The following RBM33 variants were observed in gnomAD, a reference collection of about 807,000 sequenced individuals.
RBM33 encodes RNA-binding protein 33.
A neutral mutation model predicts 132.6 loss-of-function variants in RBM33; 28 were observed. The ratio of observed to expected loss-of-function variants is 0.21; its 90% CI spans 0.16 to 0.29. The LOEUF (loss-of-function observed/expected upper bound fraction) is 0.29, where lower values mean the gene tolerates loss of function less well. Among genes scored for constraint, RBM33 ranks in the 10% least tolerant of loss-of-function variants. The pLI is 1.00. For synonymous variants in RBM33, 634 were observed against 593.0 expected (o/e 1.07, Z -1.01); for missense variants, 1,291 against 1,518.5 (o/e 0.85, Z 2.49).
In RBM33 at chr7:155,644,754, C is replaced by T. The variant is rs1585386540; in HGVS notation, c.-123C>T. 5.1e-6 allele frequency: 4 copies of T among 782,750 alleles called. No homozygotes were observed. The highest frequency in any genetic ancestry group is 3.4e-5 in the East Asian group (1 of 29,552). 48.5% of individuals were successfully genotyped at this position (782,750 alleles called of 1,614,324 possible). ...TGGACCGCGAAGCGCCCGGCTTCGC[C>T]TCTGCCTCCTGCAGCCCCCTCCCTT... On this transcript the variant is annotated 5_prime_UTR_variant, in exon 1 of 18. Coordinates refer to ENST00000401878, the MANE Select transcript of RBM33 (RefSeq NM_053043.3).
In RBM33 at chr7:155,763,823, C is replaced by T. The variant is rs1240654929; in HGVS notation, c.2991C>T (p.Ser997=). The part of the protein sequence containing the change: ...VIKLSGGGGE[S]DGFFHPEGQP... The stretch of plus-strand genomic sequence containing the variant: ...CTTGGTTTCAGCAGGGAGGAGAGAG[C>T]GATGGCTTTTTTCACCCAGAAGGCC... The change falls in exon 15 of 18, where the codon AGC becomes AGT. Residue 997 remains serine (S), a synonymous_variant. Transcript: ENST00000401878. The T allele has an allele frequency of 4.3e-6, 7 of 1,610,178 alleles. No homozygotes were observed. The South Asian group carries it at 6.7e-5, about 15-fold the overall frequency.
intron 1 of RBM33, among the ~76,000 whole-genome samples, chr7:155,664,809 T>C (rs1286749359): frequency 6.6e-6 from 1 of 152,184 alleles, no homozygotes; most frequent in East Asian, 1.9e-4. Flanking sequence ...TTACAAAAAG[T>C]ATTATGAAAG....
At chr7:155,728,545 T>C (rs918656708) in intron 9 of RBM33, among the ~76,000 whole-genome samples, 1 of 152,228 alleles carries the variant, frequency 6.6e-6, no homozygotes, top group African/African-American at 2.4e-5. Context: ...AGATAGCTCT[T>C]TGGTCTTACC....
chr7:155,703,458 G>C (rs1033832338), intron 6 of RBM33, among the ~76,000 whole-genome samples: 3 of 152,126 alleles, frequency 2.0e-5, no homozygotes, highest in Non-Finnish European at 4.4e-5. Context: ...CACTTAACTG[G>C]ATTTTTGTAG....
intron 14 of RBM33, among the ~76,000 whole-genome samples, chr7:155,749,351 G>C (rs146453811): frequency 6.6e-6 from 1 of 152,110 alleles, no homozygotes; most frequent in Admixed American, 6.6e-5. Context: ...CTTCTGAGGC[G>C]AGTGCGTTGA....
At chr7:155,674,670 T>C (rs919732702) in intron 3 of RBM33, among the ~76,000 whole-genome samples, 1 of 152,192 alleles carries the variant, frequency 6.6e-6, no homozygotes, top group Non-Finnish European at 1.5e-5. Context: ...TAATGCTGAC[T>C]GTTCTGGGGG....
chr7:155,663,993 T>C (rs1348101215), intron 1 of RBM33, among the ~76,000 whole-genome samples: 3 of 152,192 alleles, frequency 2.0e-5, no homozygotes, highest in African/African-American at 4.8e-5. Context: ...ATTTATGAAG[T>C]AGATAATAGC....
chr7:155,758,316 T>A (rs1057053956), intron 14 of RBM33, among the ~76,000 whole-genome samples: 4 of 152,214 alleles, frequency 2.6e-5, no homozygotes, highest in African/African-American at 9.7e-5. Flanking sequence ...CCAACCTTAC[T>A]GGCACCAGGG....
At chr7:155,728,368 C>T (rs547112608) in intron 9 of RBM33, among the ~76,000 whole-genome samples, 1 of 152,266 alleles carries the variant, frequency 6.6e-6, no homozygotes, top group South Asian at 2.1e-4. Context: ...TCCTCACTGC[C>T]CTTCACCCAG....
intron 3 of RBM33, among the ~76,000 whole-genome samples, chr7:155,673,442 ATGTG>A (rs1226034201): frequency 4.5e-5 from 6 of 133,844 alleles, no homozygotes; most frequent in Admixed American, 1.5e-4. Flanking sequence ...GTGTGTGTGT[ATGTG>A]TATATATACC....
rs1388504342 is a variant in RBM33 at position 155,658,647 on chromosome 7, C to T, written c.44-6528C>T. On this transcript the variant is annotated intron_variant, in intron 1 of 17. Transcript: ENST00000401878. ...AACTCCTGACCTCATGATCCACCCGCCTCGGCCTCCCAAAGTGCTGGGATT... is the reference window on the plus strand; with the variant it reads ...AACTCCTGACCTCATGATCCACCCGTCTCGGCCTCCCAAAGTGCTGGGATT... Among the ~76,000 whole-genome samples the T allele has an allele frequency of 7.9e-5, 12 of 152,294 alleles. No homozygotes were observed. In the Middle Eastern group the frequency reaches 0.01, roughly 130 times the overall value.
In RBM33 at chr7:155,779,715, G is replaced by C. The variant is rs1404035843; in HGVS notation, c.*4674G>C. The C allele has an allele frequency of 6.6e-6, 1 of 152,286 alleles. No homozygotes were observed. Among genetic ancestry groups the C allele is most frequent in the Admixed American group, 6.5e-5 (1 of 15,304 alleles). The allele number at this position is 152,286 out of a possible 1,614,324, so 9.4% of individuals were successfully genotyped here. On this transcript the variant is annotated 3_prime_UTR_variant, in exon 18 of 18. Transcript: ENST00000401878. The stretch of plus-strand genomic sequence containing the variant: ...AGCATATGGCTGGAAAAGGCCGTTT[G>C]CCTCACACATTGTAACCTGCCTTGG...
At chr7:155,734,393 A>C (rs118141365) in intron 9 of RBM33, among the ~76,000 whole-genome samples, 1 of 152,222 alleles carries the variant, frequency 6.6e-6, no homozygotes, top group Non-Finnish European at 1.5e-5. Flanking sequence ...ACTCAGTTAC[A>C]TGAAGAGAGC....
chr7:155,663,988 T>G (rs1798726726), intron 1 of RBM33, among the ~76,000 whole-genome samples: 1 of 152,218 alleles, frequency 6.6e-6, no homozygotes, highest in African/African-American at 2.4e-5. Flanking sequence ...AGCAAATTTA[T>G]GAAGTAGATA....
rs935262217 is a variant in RBM33, at chr7:155,736,275, G to C, written c.1261-1255G>C. 5.9e-5 allele frequency among the ~76,000 whole-genome samples: 9 copies of C among 152,294 alleles called. No homozygotes were observed. The East Asian group carries it at 1.7e-3, about 29-fold the overall frequency. On this transcript the variant is annotated intron_variant, in intron 9 of 17. Transcript: ENST00000401878. ...CAGTGAGTTAGTGATAAAATGATAG[G>C]CCAAGGCATTGGGGTTGCAAGTGTG...
At chr7:155,735,150 A>G (rs1801073703) in intron 9 of RBM33, among the ~76,000 whole-genome samples, 1 of 152,236 alleles carries the variant, frequency 6.6e-6, no homozygotes, top group African/African-American at 2.4e-5. Flanking sequence ...TATACTTTAT[A>G]AATAGAACAT....
chr7:155,757,194 A>G (rs1801879114), intron 14 of RBM33, among the ~76,000 whole-genome samples: 1 of 152,232 alleles, frequency 6.6e-6, no homozygotes, highest in Non-Finnish European at 1.5e-5. Flanking sequence ...ACCCATGGGT[A>G]GAAGTTGTTC....
At chr7:155,670,723 C>T (rs570129755) in intron 2 of RBM33, among the ~76,000 whole-genome samples, 2 of 152,132 alleles carry the variant, frequency 1.3e-5, no homozygotes, top group Non-Finnish European at 2.9e-5. Flanking sequence ...GTGCATTGAG[C>T]GGATGCTGTG....
At chr7:155,684,883 C>A in intron 5 of RBM33, 2 of 1,505,920 alleles carry the variant, frequency 1.3e-6, no homozygotes, top group South Asian at 2.6e-5. Context: ...GTAAAAAAAC[C>A]ACCCCAAAGC....
Sources: allele counts gnomAD v4.1 joint callset (sites outside exome capture counted in the v4.1 genomes callset), GRCh38; gene constraint gnomAD v4.1.1; transcripts MANE v1.5; gene names NCBI Gene and HGNC (gene_info 2026-07-23, HGNC 2026-07-21).